MAP3K5: variants seen among roughly 807,000 people sequenced by gnomAD.
MAP3K5 encodes mitogen-activated protein kinase kinase kinase 5, also known as ASK-1.
Under a neutral mutation model 158.7 loss-of-function variants are expected in MAP3K5, and 56 were observed. The ratio of observed to expected loss-of-function variants is 0.35; its 90% CI spans 0.28 to 0.44. The LOEUF (loss-of-function observed/expected upper bound fraction) is 0.44, where lower values mean the gene tolerates loss of function less well. MAP3K5 is among the 20% of genes least tolerant of loss of function. The probability of loss-of-function intolerance (pLI) is 1.00; values close to 1 mark genes in which losing one functional copy is unlikely to be tolerated. For missense variants in MAP3K5, 1,294 were observed against 1,674.8 expected (o/e 0.77, Z 3.97); for synonymous variants, 579 against 601.7 (o/e 0.96, Z 0.55).
intron 18 of MAP3K5, among the ~76,000 whole-genome samples, chr6:136,610,278 G>T (rs1434225532): frequency 6.6e-6 from 1 of 152,084 alleles, no homozygotes; most frequent in Non-Finnish European, 1.5e-5. Flanking sequence ...GGGCAGTCAT[G>T]AATCTCTTGA....
chr6:136,706,627 T>C (rs767129090), intron 2 of MAP3K5, among the ~76,000 whole-genome samples: 1 of 152,164 alleles, frequency 6.6e-6, no homozygotes, highest in Non-Finnish European at 1.5e-5. Flanking sequence ...AGGAGCCAGA[T>C]CTGGGAGGGA....
chr6:136,595,275 C>G (rs6928133), intron 21 of MAP3K5, among the ~76,000 whole-genome samples: 7,064 of 152,178 alleles, frequency 0.046, 555 homozygotes, highest in African/African-American at 0.16. Context: ...GTGCCACCAC[C>G]CCTGGCTAAT....
chr6:136,724,056 G>GT (rs1209309269), intron 1 of MAP3K5, among the ~76,000 whole-genome samples: 1 of 152,044 alleles, frequency 6.6e-6, no homozygotes, highest in African/African-American at 2.4e-5. Context: ...AAGAAGCTGT[G>GT]TAACGTGGGG....
chr6:136,669,561 T>C (rs1396308460), intron 7 of MAP3K5, among the ~76,000 whole-genome samples, 166 bp from the exon 8 acceptor site: 1 of 152,186 alleles, frequency 6.6e-6, no homozygotes, highest in African/African-American at 2.4e-5. Flanking sequence ...CAGAAACTGC[T>C]TATCTTTGTC....
At chr6:136,561,296 G>A (rs527737104) in intron 28 of MAP3K5, among the ~76,000 whole-genome samples, 86 of 152,054 alleles carry the variant, frequency 5.7e-4, no homozygotes, top group African/African-American at 1.9e-3. Flanking sequence ...AACCTCTCTC[G>A]CCCTATCTAA....
At chr6:136,758,882 T>C (rs536059892) in intron 1 of MAP3K5, among the ~76,000 whole-genome samples, 14 of 152,314 alleles carry the variant, frequency 9.2e-5, no homozygotes, top group African/African-American at 2.2e-4. Context: ...GTATTAAATA[T>C]AGACTTTTGG....
intron 1 of MAP3K5, among the ~76,000 whole-genome samples, chr6:136,726,899 A>T (rs9385771): frequency 0.37 from 55,453 of 151,920 alleles, 11,979 homozygotes; most frequent in Middle Eastern, 0.5. Context: ...ATTATTTTAC[A>T]TGGACAGTCA....
chr6:136,647,763 C>T (rs1159553141), intron 11 of MAP3K5: 2 of 152,188 alleles, frequency 1.3e-5, no homozygotes, highest in Non-Finnish European at 2.9e-5. Context: ...GTTCATTTAT[C>T]TCTTCTAGTT....
intron 1 of MAP3K5, among the ~76,000 whole-genome samples, chr6:136,756,154 A>C (rs1310055524): frequency 6.6e-6 from 1 of 151,702 alleles, no homozygotes; most frequent in African/African-American, 2.4e-5. Flanking sequence ...AGAAAAAAAA[A>C]AAACACTACA....
At chr6:136,642,070 TAA>T (rs1250806117) in intron 12 of MAP3K5, among the ~76,000 whole-genome samples, 4 of 141,338 alleles carry the variant, frequency 2.8e-5, no homozygotes, top group Non-Finnish European at 4.5e-5. Context: ...TAAAATAAAA[TAA>T]AATAAAATAA....
intron 23 of MAP3K5, among the ~76,000 whole-genome samples, chr6:136,586,058 G>A (rs1301336674): frequency 6.6e-6 from 1 of 152,076 alleles, no homozygotes; most frequent in East Asian, 1.9e-4. Flanking sequence ...TGGAAGCTTG[G>A]TCTCATGTTT....
At chr6:136,603,165 T>C (rs1309629145) in intron 19 of MAP3K5, among the ~76,000 whole-genome samples, 1 of 151,724 alleles carries the variant, frequency 6.6e-6, no homozygotes, top group Admixed American at 6.6e-5. Flanking sequence ...AAAGCTCTTA[T>C]TATACAGGTA....
intron 25 of MAP3K5, among the ~76,000 whole-genome samples, chr6:136,576,567 G>A (rs535140495): frequency 5.9e-5 from 9 of 152,178 alleles, no homozygotes; most frequent in African/African-American, 7.2e-5. Flanking sequence ...TTGGCCTCAC[G>A]AAGCCTTAGG....
intron 25 of MAP3K5, among the ~76,000 whole-genome samples, chr6:136,574,641 A>G (rs185454448): frequency 1.2e-3 from 169 of 140,400 alleles, no homozygotes; most frequent in African/African-American, 4.3e-3. Context: ...CTTGTACTGT[A>G]CTCTCTGTTC....
At position 136,698,639 on chromosome 6, in the gene MAP3K5, G is replaced by A. The variant is rs775240769; in HGVS notation, c.656C>T (p.Pro219Leu). ...NYTFVPYMIT[P>L]HNKVYCCDSS... is the part of the protein sequence containing the mutation. ...GTCACAGCAGTAGACTTTGTTATGTGGAGTTATCATGTAAGGAACAAAGGT... is the reference window on the plus strand; with the variant it reads ...GTCACAGCAGTAGACTTTGTTATGTAGAGTTATCATGTAAGGAACAAAGGT... Residue 219 changes from proline to leucine, a missense_variant, in exon 4 of 30, where the codon CCA becomes CTA. Coordinates refer to ENST00000359015, the MANE Select transcript of MAP3K5 (RefSeq NM_005923.4). 9 of 1,613,956 alleles carry A rather than the reference G, an allele frequency of 5.6e-6. No individual in the cohort carries two copies. The highest frequency in any genetic ancestry group is 6.8e-6 in the Non-Finnish European group (8 of 1,179,932).
At chr6:136,738,910 G>A (rs950267326) in intron 1 of MAP3K5, among the ~76,000 whole-genome samples, 11 of 150,140 alleles carry the variant, frequency 7.3e-5, no homozygotes, top group Non-Finnish European at 1.6e-4. Context: ...AGGTCCAAGG[G>A]ATACAAAAGT....
chr6:136,763,437 T>C (rs1783836562), intron 1 of MAP3K5, among the ~76,000 whole-genome samples: 1 of 152,196 alleles, frequency 6.6e-6, no homozygotes, highest in Admixed American at 6.5e-5. Context: ...TTTACAAGCA[T>C]ATGCTCTTCT....
At chr6:136,652,324 G>T (rs1778552879) in intron 10 of MAP3K5, among the ~76,000 whole-genome samples, 1 of 152,104 alleles carries the variant, frequency 6.6e-6, no homozygotes. Context: ...AGGGCTCCAA[G>T]AATTCTCAGT....
rs1491266433 is a variant in MAP3K5 at position 136,642,030 on chromosome 6, A to AAAATAAAAT, written c.1838+489_1838+490insATTTTATTT. ...TAAAATAAAATAAATAAAATAAAAT[A>AAAATAAAAT]AAAATAAAATAAAATAAAATAAAAT... is the stretch of plus-strand genomic sequence containing the variant. On this transcript the variant is annotated intron_variant, in intron 12 of 29. Coordinates refer to ENST00000359015, the MANE Select transcript of MAP3K5 (RefSeq NM_005923.4). Among the ~76,000 whole-genome samples the AAAATAAAAT allele has an allele frequency of 3.0e-4, 36 of 119,326 alleles. 3 individuals are homozygous for AAAATAAAAT. Among genetic ancestry groups the AAAATAAAAT allele is most frequent in the Admixed American group, 5.4e-4 (6 of 11,162 alleles). 78.3% of individuals were successfully genotyped at this position (119,326 alleles called of 152,430 possible).
Sources: gnomAD v4.1 joint callset for allele counts (sites outside exome capture counted in the v4.1 genomes callset) on GRCh38, gnomAD v4.1.1 for gene constraint, MANE v1.5 for transcripts, NCBI Gene and HGNC (gene_info 2026-07-23, HGNC 2026-07-21) for gene names.